GALNT13: variants seen among roughly 807,000 people sequenced by gnomAD.
GALNT13 encodes polypeptide N-acetylgalactosaminyltransferase 13.
A neutral mutation model predicts 64.2 loss-of-function variants in GALNT13; 28 were observed. The ratio of observed to expected loss-of-function variants is 0.44; its 90% CI spans 0.32 to 0.60. The LOEUF (loss-of-function observed/expected upper bound fraction) is 0.60. Among genes scored for constraint, GALNT13 ranks in the 20% least tolerant of loss-of-function variants. The pLI is 0.05. For missense variants in GALNT13, 577 were observed against 669.8 expected (o/e 0.86, Z 1.53); for synonymous variants, 214 against 224.6 (o/e 0.95, Z 0.42).
chr2:154,333,518 G>A (rs557048507), intron 9 of GALNT13, among the ~76,000 whole-genome samples: 1 of 151,902 alleles, frequency 6.6e-6, no homozygotes, highest in Non-Finnish European at 1.5e-5. Context: ...TTTCTCATTC[G>A]CCATTTGTTG....
At chr2:154,392,103 T>A (rs1457847066) in intron 9 of GALNT13, among the ~76,000 whole-genome samples, 1 of 151,940 alleles carries the variant, frequency 6.6e-6, no homozygotes, top group Non-Finnish European at 1.5e-5. Flanking sequence ...ATGTAAAGAA[T>A]GAAAAAAAGT....
the GALNT13 span, chr2:153,357,445 T>C: frequency 6.6e-6 from 1 of 152,220 alleles, no homozygotes; most frequent in Non-Finnish European, 1.5e-5. Flanking sequence ...TTAAATTTTT[T>C]GATTTTCCAA....
chr2:153,461,567 A>C, the GALNT13 span, among the ~76,000 whole-genome samples: 11 of 152,134 alleles, frequency 7.2e-5, 1 homozygote, highest in South Asian at 2.3e-3. Flanking sequence ...TAGGCAGATG[A>C]GTCTGGGTTA....
At chr2:153,481,596 T>G in the GALNT13 span, among the ~76,000 whole-genome samples, 1 of 152,202 alleles carries the variant, frequency 6.6e-6, no homozygotes, top group African/African-American at 2.4e-5. Context: ...CTCTTCTACT[T>G]CATTGGAAAT....
At chr2:153,429,675 A>G in the GALNT13 span, among the ~76,000 whole-genome samples, 1 of 152,042 alleles carries the variant, frequency 6.6e-6, no homozygotes, top group Non-Finnish European at 1.5e-5. Context: ...AAAATAATTA[A>G]TTTTCAAAAT....
At chr2:154,319,670 A>G (rs952083064) in intron 9 of GALNT13, among the ~76,000 whole-genome samples, 1 of 152,040 alleles carries the variant, frequency 6.6e-6, no homozygotes, top group African/African-American at 2.4e-5. Flanking sequence ...GAAAAAAAAA[A>G]AAAGAAAAAT....
intron 3 of GALNT13, among the ~76,000 whole-genome samples, chr2:153,948,398 G>C (rs2105395395): frequency 6.6e-6 from 1 of 152,214 alleles, no homozygotes; most frequent in South Asian, 2.1e-4. Context: ...CTTCTTTCCT[G>C]TTGGTGGGAG....
chr2:153,501,298 G>A, the GALNT13 span, among the ~76,000 whole-genome samples: 1 of 151,592 alleles, frequency 6.6e-6, no homozygotes, highest in Non-Finnish European at 1.5e-5. Context: ...CTCCTTTTTT[G>A]TTGTTGTTGT....
the GALNT13 span, among the ~76,000 whole-genome samples, chr2:153,099,596 G>A: frequency 6.6e-6 from 1 of 152,048 alleles, no homozygotes; most frequent in East Asian, 1.9e-4. Flanking sequence ...TATTTAAATG[G>A]CTAAACATTT....
the GALNT13 span, among the ~76,000 whole-genome samples, chr2:153,607,753 T>A: frequency 6.6e-6 from 1 of 152,094 alleles, no homozygotes; most frequent in Non-Finnish European, 1.5e-5. Flanking sequence ...CTATAAAATA[T>A]TTTTAGTGAG....
At chr2:153,286,414 G>C in the GALNT13 span, among the ~76,000 whole-genome samples, 24 of 152,134 alleles carry the variant, frequency 1.6e-4, no homozygotes, top group South Asian at 6.2e-4. Flanking sequence ...ATAACACAGA[G>C]AACCTAAATA....
chr2:153,780,240 T>TGCATATATATATATATATATATATATGC, the GALNT13 span, among the ~76,000 whole-genome samples: 1 of 19,458 alleles, frequency 5.1e-5, no homozygotes, highest in African/African-American at 1.0e-4. Context: ...TATATATATA[T>TGCATATATATATATATATATATATATGC]ATATATATAT....
intron 9 of GALNT13, among the ~76,000 whole-genome samples, chr2:154,376,582 T>G (rs2105322772): frequency 6.6e-6 from 1 of 152,216 alleles, no homozygotes; most frequent in Non-Finnish European, 1.5e-5. Context: ...TCTCTTAAAT[T>G]TATATAGAAG....
At chr2:154,309,310 C>T (rs75590066) in intron 9 of GALNT13, among the ~76,000 whole-genome samples, 2 of 151,548 alleles carry the variant, frequency 1.3e-5, no homozygotes, top group Non-Finnish European at 2.9e-5. Flanking sequence ...CAAATCCATT[C>T]GTCTTCATTT....
chr2:153,403,556 A>G, the GALNT13 span, among the ~76,000 whole-genome samples: 1 of 152,116 alleles, frequency 6.6e-6, no homozygotes. Context: ...TTGATCTCAG[A>G]CTGCTGTGCT....
chr2:153,096,076 C>CA, the GALNT13 span, among the ~76,000 whole-genome samples: 1 of 151,516 alleles, frequency 6.6e-6, no homozygotes, highest in African/African-American at 2.4e-5. Context: ...TAATTAGCTT[C>CA]AAAAAAACAA....
At chr2:153,813,601 GCCATC>G in the GALNT13 span, among the ~76,000 whole-genome samples, 1 of 151,888 alleles carries the variant, frequency 6.6e-6, no homozygotes, top group South Asian at 2.1e-4. Context: ...GACCTCAGAG[GCCATC>G]CGGTCTGACC....
chr2:153,656,024 C>T, the GALNT13 span, among the ~76,000 whole-genome samples: 53 of 152,038 alleles, frequency 3.5e-4, no homozygotes, highest in African/African-American at 1.2e-3. Flanking sequence ...AAAGCTTGCC[C>T]GCTTTGTTAT....
the GALNT13 span, among the ~76,000 whole-genome samples, chr2:153,196,985 A>G: frequency 1.3e-5 from 2 of 152,190 alleles, no homozygotes; most frequent in African/African-American, 4.8e-5. Context: ...TCAGGCTTTC[A>G]GTTGGCTCTT....
Sources: gnomAD v4.1 joint callset for allele counts (sites outside exome capture counted in the v4.1 genomes callset) on GRCh38, gnomAD v4.1.1 for gene constraint, MANE v1.5 for transcripts, NCBI Gene and HGNC (gene_info 2026-07-23, HGNC 2026-07-21) for gene names.